SLC24A3: variants seen among roughly 807,000 people sequenced by gnomAD.
The protein encoded by SLC24A3 is solute carrier family 24 member 3, also known as sodium/potassium/calcium exchanger 3.
Under a neutral mutation model 75.8 loss-of-function variants are expected in SLC24A3, and 28 were observed. The ratio of observed to expected loss-of-function variants is 0.37; its 90% confidence interval spans 0.27 to 0.51. The LOEUF is 0.51. SLC24A3 is among the 20% of genes least tolerant of loss of function. SLC24A3 has a pLI of 0.94. For missense variants in SLC24A3, 663 were observed against 847.8 expected, an observed-to-expected ratio of 0.78 and a Z score of 2.71; for synonymous variants, 372 against 334.1, an observed-to-expected ratio of 1.11 and a Z score of -1.24.
chr20:19,598,258 C>G (rs1242453161), intron 6 of SLC24A3, among the ~76,000 whole-genome samples: 1 of 152,168 alleles, frequency 6.6e-6, no homozygotes, highest in Non-Finnish European at 1.5e-5. Flanking sequence ...AAATCTCACT[C>G]TGCATTTGAA....
At chr20:19,717,828 CA>C (rs2033059540) in intron 16 of SLC24A3, among the ~76,000 whole-genome samples, 1 of 152,216 alleles carries the variant, frequency 6.6e-6, no homozygotes, top group Non-Finnish European at 1.5e-5. Context: ...ACATAGAAAG[CA>C]AACCATTTTC....
At chr20:19,506,064 A>C (rs779391480) in intron 2 of SLC24A3, among the ~76,000 whole-genome samples, 1 of 152,208 alleles carries the variant, frequency 6.6e-6, no homozygotes, top group African/African-American at 2.4e-5. Context: ...TATTGTTTTC[A>C]TTCTCCCATT....
At chr20:19,563,265 AAC>A (rs2030904993) in intron 3 of SLC24A3, among the ~76,000 whole-genome samples, 1 of 152,156 alleles carries the variant, frequency 6.6e-6, no homozygotes, top group Non-Finnish European at 1.5e-5. Flanking sequence ...TTTAAAATTC[AAC>A]AGTGTGTGGT....
chr20:19,297,963 A>G (rs1319851655), intron 2 of SLC24A3, among the ~76,000 whole-genome samples: 1 of 152,252 alleles, frequency 6.6e-6, no homozygotes, highest in Non-Finnish European at 1.5e-5. Context: ...CTTGGGTCTT[A>G]TAACCATTCA....
At chr20:19,330,750 A>T (rs1301679950) in intron 2 of SLC24A3, among the ~76,000 whole-genome samples, 1 of 152,224 alleles carries the variant, frequency 6.6e-6, no homozygotes, top group African/African-American at 2.4e-5. Context: ...GAAAGTTTTG[A>T]TGAGGATATT....
chr20:19,325,131 G>C (rs1437858615), intron 2 of SLC24A3, among the ~76,000 whole-genome samples: 2 of 151,706 alleles, frequency 1.3e-5, no homozygotes, highest in Non-Finnish European at 2.9e-5. Flanking sequence ...CTCCTTAGGA[G>C]AGAGAAGGAA....
intron 2 of SLC24A3, among the ~76,000 whole-genome samples, chr20:19,342,609 T>G (rs971019768): frequency 6.6e-6 from 1 of 152,236 alleles, no homozygotes; most frequent in Non-Finnish European, 1.5e-5. Flanking sequence ...TGGAAATGTA[T>G]GTACCAAATG....
intron 1 of SLC24A3, among the ~76,000 whole-genome samples, chr20:19,217,946 A>G (rs976995460): frequency 6.6e-6 from 1 of 152,082 alleles, no homozygotes; most frequent in Non-Finnish European, 1.5e-5. Context: ...CACAGTTGGT[A>G]ATTATGTGTT....
intron 1 of SLC24A3, among the ~76,000 whole-genome samples, chr20:19,272,853 A>G (rs936847004): frequency 6.6e-6 from 1 of 152,052 alleles, no homozygotes; most frequent in Non-Finnish European, 1.5e-5. Flanking sequence ...AAAAAACATA[A>G]CTGAACTTCC....
chr20:19,463,369 G>A (rs949709859), intron 2 of SLC24A3, among the ~76,000 whole-genome samples: 4 of 152,184 alleles, frequency 2.6e-5, no homozygotes, highest in African/African-American at 9.7e-5. Flanking sequence ...CTCTCGATCC[G>A]TTAACATTTC....
chr20:19,621,986 C>T (rs999461334), intron 6 of SLC24A3, among the ~76,000 whole-genome samples: 1 of 152,210 alleles, frequency 6.6e-6, no homozygotes, highest in African/African-American at 2.4e-5. Flanking sequence ...AGCTCCTCCC[C>T]TGTGCCAACA....
chr20:19,633,278 G>A (rs917618521), intron 6 of SLC24A3, among the ~76,000 whole-genome samples: 5 of 152,178 alleles, frequency 3.3e-5, no homozygotes, highest in South Asian at 2.1e-4. Context: ...TCCTTGCATT[G>A]TAGATGGCTG....
At chr20:19,510,142 G>C (rs1988515574) in intron 2 of SLC24A3, among the ~76,000 whole-genome samples, 1 of 152,172 alleles carries the variant, frequency 6.6e-6, no homozygotes, top group Admixed American at 6.5e-5. Context: ...CTCTAAGATA[G>C]GATTCTTCCT....
chr20:19,468,554 T>A (rs1164318933), intron 2 of SLC24A3, among the ~76,000 whole-genome samples: 3 of 151,964 alleles, frequency 2.0e-5, no homozygotes, highest in African/African-American at 7.3e-5. Flanking sequence ...AAATTCTGAG[T>A]CAATAGAGAT....
intron 1 of SLC24A3, among the ~76,000 whole-genome samples, chr20:19,264,741 A>AAAAC (rs1555784829): frequency 2.0e-5 from 3 of 151,200 alleles, no homozygotes; most frequent in East Asian, 2.0e-4. Flanking sequence ...AAAAAAAAAA[A>AAAAC]AAAACAAAAC....
chr20:19,509,104 A>G (rs1298582001), intron 2 of SLC24A3, among the ~76,000 whole-genome samples: 3 of 152,038 alleles, frequency 2.0e-5, no homozygotes, highest in Admixed American at 2.0e-4. Context: ...GGCGGTAGGT[A>G]TTTCACATTC....
chr20:19,601,096 G>A (rs1333030620), intron 6 of SLC24A3, among the ~76,000 whole-genome samples: 1 of 152,218 alleles, frequency 6.6e-6, no homozygotes, highest in African/African-American at 2.4e-5. Context: ...CTAAATGGGA[G>A]TAATAATAAT....
chr20:19,628,319 T>C (rs1433931356), intron 6 of SLC24A3, among the ~76,000 whole-genome samples: 1 of 151,904 alleles, frequency 6.6e-6, no homozygotes, highest in Non-Finnish European at 1.5e-5. Context: ...TTCAGCAAGA[T>C]GGTGGAACAG....
intron 2 of SLC24A3, among the ~76,000 whole-genome samples, chr20:19,314,558 G>A (rs1345542051): frequency 6.6e-6 from 1 of 151,996 alleles, no homozygotes; most frequent in South Asian, 2.1e-4. Flanking sequence ...CTAGCAATCT[G>A]CCCACCTCAG....
Sources: gnomAD v4.1 joint callset for allele counts (sites outside exome capture counted in the v4.1 genomes callset) on GRCh38, gnomAD v4.1.1 for gene constraint, MANE v1.5 for transcripts, NCBI Gene and HGNC (gene_info 2026-07-23, HGNC 2026-07-21) for gene names.